The following DENND6A variants were observed in gnomAD, a reference collection of about 807,000 sequenced individuals.
The protein encoded by DENND6A is protein DENND6A.
Under a neutral mutation model 95.5 loss-of-function variants are expected in DENND6A, and 43 were observed. The observed-to-expected ratio is 0.45, with a 90% CI of 0.35 to 0.58. The LOEUF is 0.58. Ranked by LOEUF, DENND6A falls within the 20% of genes least tolerant of loss-of-function variation. The pLI is 0.00. For synonymous variants in DENND6A, 257 were observed against 260.4 expected (o/e 0.99, Z 0.13); for missense variants, 574 against 736.0 (o/e 0.78, Z 2.55).
chr3:57,669,322 G>A (rs2153416202), intron 3 of DENND6A, among the ~76,000 whole-genome samples: 1 of 152,172 alleles, frequency 6.6e-6, no homozygotes, highest in Non-Finnish European at 1.5e-5. Flanking sequence ...CTGCTTTCAG[G>A]TCTTTTGTAG....
rs975521664 is a variant in DENND6A at position 57,630,520 on chromosome 3, A to G, written c.1521T>C (p.His507=). 2.0e-5 allele frequency: 31 copies of G among 1,587,138 alleles called. No individual in the cohort carries two copies. Among genetic ancestry groups the G allele is most frequent in the Non-Finnish European group, 2.6e-5 (31 of 1,174,116 alleles). Residue 507 remains histidine (H), a synonymous_variant, in exon 18 of 20, where the codon CAT becomes CAC. Coordinates refer to ENST00000311128, the MANE Select transcript of DENND6A (RefSeq NM_152678.3). ...CATCAAAATTTGGAGACTTTAGGAA[A>G]TGCCTATAAAAATACATTTTAAAAA... ...IKGDWIGLYR[H]FLKSPNFDGW... is the part of the protein sequence containing the mutation.
chr3:57,667,670 C>A (rs1410103365), intron 3 of DENND6A, among the ~76,000 whole-genome samples: 3 of 152,154 alleles, frequency 2.0e-5, no homozygotes, highest in African/African-American at 4.8e-5. Context: ...TAGACTGACG[C>A]CAGTCCATAA....
At chr3:57,634,661 G>A in intron 13 of DENND6A, 39 bp from the exon 14 acceptor site, 4 of 1,491,084 alleles carry the variant, frequency 2.7e-6, no homozygotes, top group Non-Finnish European at 2.7e-6. Flanking sequence ...AAAAACCCAA[G>A]TACCATATAA....
intron 5 of DENND6A, 28 bp downstream of exon 5, chr3:57,663,607 CT>C (rs750878923): frequency 1.9e-5 from 27 of 1,446,944 alleles, no homozygotes; most frequent in Middle Eastern, 2.1e-4. Flanking sequence ...ATAAAAAATA[CT>C]TTTTTTATTA....
chr3:57,666,942 T>C lies in DENND6A; in HGVS notation c.320-707A>G, dbSNP rs145372265. Among the ~76,000 whole-genome samples the C allele has an allele frequency of 4.9e-3, 753 of 152,364 alleles. 4 individuals are homozygous for C. The highest frequency in any genetic ancestry group is 0.017 in the African/African-American group (714 of 41,588). On this transcript the variant is annotated intron_variant, in intron 3 of 19. Coordinates refer to ENST00000311128, the MANE Select transcript of DENND6A (RefSeq NM_152678.3). Reference sequence around the variant, plus strand: ...TATAAAAGTTATGCTATGAGCACCATAGCTTTCTGATGATTCACTGAAAAA... The same window carrying C: ...TATAAAAGTTATGCTATGAGCACCACAGCTTTCTGATGATTCACTGAAAAA...
At chr3:57,635,099 A>AT (rs2070763064) in intron 12 of DENND6A, among the ~76,000 whole-genome samples, 2 of 152,226 alleles carry the variant, frequency 1.3e-5, no homozygotes, top group African/African-American at 4.8e-5. Flanking sequence ...ATAAAACTGA[A>AT]AATTTAGATG....
At chr3:57,686,943 A>G (rs899960149) in intron 1 of DENND6A, among the ~76,000 whole-genome samples, 2 of 152,248 alleles carry the variant, frequency 1.3e-5, no homozygotes, top group Admixed American at 6.5e-5. Context: ...TGAGGAAAGC[A>G]TGTCAAAAGC....
chr3:57,645,641 T>C lies in DENND6A; in HGVS notation c.1037+20A>G, dbSNP rs771149072. 7 of 1,569,266 alleles carry C rather than the reference T, an allele frequency of 4.5e-6. No individual in the cohort carries two copies. The highest frequency in any genetic ancestry group is 1.1e-5 in the South Asian group (1 of 88,618). On this transcript the variant is annotated intron_variant, in intron 11 of 19. Transcript: ENST00000311128. ...GGTTATAAAGGTAATACCTGGTCAA[T>C]AGAAGTTATTTTTACTTACGGAGCT...
rs561232411 is a variant in DENND6A at position 57,626,002 on chromosome 3, T to C, written c.*2212A>G. 2 of 152,690 alleles carry C rather than the reference T, an allele frequency of 1.3e-5. No individual in the cohort carries two copies. Among genetic ancestry groups the C allele is most frequent in the Non-Finnish European group, 2.9e-5 (2 of 68,022 alleles). The allele number at this position is 152,690 out of a possible 1,614,324, so 9.5% of individuals were successfully genotyped here. On this transcript the variant is annotated 3_prime_UTR_variant, in exon 20 of 20. Coordinates refer to ENST00000311128, the MANE Select transcript of DENND6A (RefSeq NM_152678.3). Reference sequence around the variant, plus strand: ...TATTAAAATATACCTTTTTGAAAAATAATAAGATGACCATTTATACCTAAA... The same window carrying C: ...TATTAAAATATACCTTTTTGAAAAACAATAAGATGACCATTTATACCTAAA...
chr3:57,675,326 C>T (rs1009230045), intron 1 of DENND6A, among the ~76,000 whole-genome samples: 2 of 152,140 alleles, frequency 1.3e-5, no homozygotes, highest in Non-Finnish European at 2.9e-5. Context: ...ACTAATAACT[C>T]AAAGCTTACT....
At chr3:57,634,434 CAAA>C (rs60799417) in intron 14 of DENND6A, 121 bp downstream of exon 14, 8,260 of 276,348 alleles carry the variant, frequency 0.03, no homozygotes, top group East Asian at 0.046. Context: ...CTCTGTCTCC[CAAA>C]AAAAAAAAAA....
intron 1 of DENND6A, among the ~76,000 whole-genome samples, chr3:57,689,818 C>T (rs1575876102): frequency 6.6e-6 from 1 of 152,130 alleles, no homozygotes; most frequent in African/African-American, 2.4e-5. Context: ...AATCCCAGCA[C>T]TTTGGAAGAC....
In DENND6A at chr3:57,625,646, A is replaced by C. The variant is rs576521507; in HGVS notation, c.*2568T>G. The C allele has an allele frequency of 6.6e-6, 1 of 152,568 alleles. No homozygotes were observed. The highest frequency in any genetic ancestry group is 1.5e-5 in the Non-Finnish European group (1 of 68,024). 9.5% of individuals were successfully genotyped at this position (152,568 alleles called of 1,614,324 possible). On this transcript the variant is annotated 3_prime_UTR_variant, in exon 20 of 20. Transcript: ENST00000311128. ...CATAGTAACAAATTCTTCTTAAAAA[A>C]AAAAAGACAAATCTAAAAATCACGC...
Position 57,659,178 on chromosome 3 carries a change from T to C in DENND6A, c.702A>G (p.Val234=), listed in dbSNP as rs146621025. ...GCTTGTCATGACATGTGGGAATCCG[T>C]ACCTAAAAGAAAGACAGGAAATTAT... is the stretch of plus-strand genomic sequence containing the variant. ...HLPIMGVVMK[V]RIPTCHDKPG... is the part of the protein sequence containing the mutation. Residue 234 remains valine, a splice_region_variant and synonymous_variant, in exon 8 of 20, where the codon GTA becomes GTG. Coordinates refer to ENST00000311128, the MANE Select transcript of DENND6A (RefSeq NM_152678.3). 126 of 1,613,992 alleles carry C rather than the reference T, an allele frequency of 7.8e-5. No homozygotes were observed. In the African/African-American group the frequency reaches 1.3e-3, roughly 17 times the overall value.
chr3:57,672,492 CAT>C, intron 1 of DENND6A, 54 bp from the exon 2 acceptor site: 1 of 1,554,010 alleles, frequency 6.4e-7, no homozygotes, highest in East Asian at 2.3e-5. Flanking sequence ...TAGTTATAAA[CAT>C]ATTATAGGCC....
rs371032983 is a variant in DENND6A at position 57,678,609 on chromosome 3, G to A, written c.238-6171C>T. Reference sequence around the variant, plus strand: ...TTTGGGAGGTAATTAGGTCATGAGTGTAGAGCTCACATGATGGCACTTGTG... The same window carrying A: ...TTTGGGAGGTAATTAGGTCATGAGTATAGAGCTCACATGATGGCACTTGTG... On this transcript the variant is annotated intron_variant, in intron 1 of 19. Coordinates refer to ENST00000311128, the MANE Select transcript of DENND6A (RefSeq NM_152678.3). Among the ~76,000 whole-genome samples the A allele has an allele frequency of 8.5e-5, 13 of 152,348 alleles. 1 individual carries two copies. The South Asian group carries it at 2.7e-3, about 32-fold the overall frequency.
intron 11 of DENND6A, among the ~76,000 whole-genome samples, chr3:57,644,754 GGGAGGGGAGGGGTGA>G (rs1206489552): frequency 2.5e-4 from 1 of 3,978 alleles, no homozygotes; most frequent in African/African-American, 1.2e-3. Flanking sequence ...GGGTGGGGAG[GGGAGGGGAGGGGTGA>G]GGAGGGGAGG....
At chr3:57,663,590 T>A (rs776423186) in intron 5 of DENND6A, 46 bp downstream of exon 5, 1 of 1,369,272 alleles carries the variant, frequency 7.3e-7, no homozygotes, top group Admixed American at 2.3e-5. Context: ...ATTTTTCTAA[T>A]CACAAAATAA....
chr3:57,672,993 G>A (rs914782155), intron 1 of DENND6A, among the ~76,000 whole-genome samples: 2 of 151,614 alleles, frequency 1.3e-5, no homozygotes, highest in Non-Finnish European at 2.9e-5. Context: ...CACTTTGGGA[G>A]GCTGAGACGT....
Sources: allele counts gnomAD v4.1 joint callset (sites outside exome capture counted in the v4.1 genomes callset), GRCh38; gene constraint gnomAD v4.1.1; transcripts MANE v1.5; gene names NCBI Gene and HGNC (gene_info 2026-07-23, HGNC 2026-07-21).